EPM2A: variants seen among roughly 807,000 people sequenced by gnomAD.
EPM2A encodes laforin.
Under a neutral mutation model 26.5 loss-of-function variants are expected in EPM2A, and 21 were observed. The observed-to-expected ratio is 0.79, with a 90% CI of 0.56 to 1.14. EPM2A has a LOEUF of 1.14. Among genes scored for constraint, EPM2A ranks in the 50% most tolerant of loss-of-function variants. The probability of loss-of-function intolerance (pLI) is 0.00; values close to 1 mark genes in which losing one functional copy is unlikely to be tolerated. For synonymous variants in EPM2A, 217 were observed against 177.6 expected, an observed-to-expected ratio of 1.22 and a Z score of -1.76; for missense variants, 458 against 440.8, an observed-to-expected ratio of 1.04 and a Z score of -0.35.
intron 4 of EPM2A, among the ~76,000 whole-genome samples, chr6:145,456,675 G>T (rs1779266694): frequency 6.6e-6 from 1 of 152,158 alleles, no homozygotes; most frequent in African/African-American, 2.4e-5. Flanking sequence ...AGAGGAATTG[G>T]AGGTAGAGAA....
At position 145,493,014 on chromosome 6, in the gene EPM2A, T is replaced by C. The variant is rs185757035; in HGVS notation, c.555+9508A>G. 1.0e-3 allele frequency among the ~76,000 whole-genome samples: 152 copies of C among 152,332 alleles called. 1 individual carries two copies. The highest frequency in any genetic ancestry group is 2.5e-3 in the Admixed American group (39 of 15,310). ...AGAATTTCTCTGCCTCCTGTCCCTATCACTTCCTCTCCTCAAAGCCTCTCA... is the reference window on the plus strand; with the variant it reads ...AGAATTTCTCTGCCTCCTGTCCCTACCACTTCCTCTCCTCAAAGCCTCTCA... On this transcript the variant is annotated intron_variant, in intron 4 of 4. Coordinates refer to the EPM2A transcript ENST00000638717.
At chr6:145,531,031 A>C (rs1273625963) in intron 2 of EPM2A, among the ~76,000 whole-genome samples, 1 of 152,168 alleles carries the variant, frequency 6.6e-6, no homozygotes, top group Non-Finnish European at 1.5e-5. Flanking sequence ...GCAGCAAAAC[A>C]TAGAAAGATA....
intron 2 of EPM2A, chr6:145,670,881 C>T: frequency 1.0e-6 from 1 of 984,458 alleles, no homozygotes; most frequent in Non-Finnish European, 1.2e-6. Flanking sequence ...TCTCACACGC[C>T]CAGTTAATAC....
At chr6:145,430,544 T>G (rs1468197485) in intron 4 of EPM2A, among the ~76,000 whole-genome samples, 1 of 151,004 alleles carries the variant, frequency 6.6e-6, no homozygotes, top group Admixed American at 6.6e-5. Flanking sequence ...GAGGTTGCAG[T>G]GAGCCGAGAT....
chr6:145,589,515 T>C (rs143692593), intron 2 of EPM2A, among the ~76,000 whole-genome samples: 1 of 152,118 alleles, frequency 6.6e-6, no homozygotes, highest in East Asian at 1.9e-4. Flanking sequence ...ATCTTTCCAA[T>C]GCCTCTGTAA....
rs1781443386 is a variant in EPM2A at position 145,603,489 on chromosome 6, C to T, written c.340+31756G>A. 2.6e-5 allele frequency among the ~76,000 whole-genome samples: 4 copies of T among 152,238 alleles called. 1 individual carries two copies. The South Asian group carries it at 8.3e-4, about 32-fold the overall frequency. On this transcript the variant is annotated intron_variant, in intron 2 of 3. Coordinates refer to the EPM2A transcript ENST00000450221. ...ATTAATTGACATCTGTTTTCCAAAACATTAAGAATCCTGAGATCAGGGACT... is the reference window on the plus strand; with the variant it reads ...ATTAATTGACATCTGTTTTCCAAAATATTAAGAATCCTGAGATCAGGGACT...
chr6:145,724,885 C>A (rs1776119170), intron 1 of EPM2A, among the ~76,000 whole-genome samples: 1 of 151,722 alleles, frequency 6.6e-6, no homozygotes. Flanking sequence ...GTAAAAACTT[C>A]CAAAAATAAC....
At chr6:145,387,506 T>C (rs907939613) in intron 4 of EPM2A, among the ~76,000 whole-genome samples, 8 of 152,208 alleles carry the variant, frequency 5.3e-5, no homozygotes, top group African/African-American at 1.9e-4. Flanking sequence ...GACAATCCCA[T>C]GATCTGTTTA....
At chr6:145,584,113 T>C (rs544364981) in intron 2 of EPM2A, among the ~76,000 whole-genome samples, 76 of 152,268 alleles carry the variant, frequency 5.0e-4, no homozygotes, top group Non-Finnish European at 7.2e-4. Context: ...GGTTCACCCA[T>C]GTGCGTGCAT....
chr6:145,616,177 C>T (rs1775508521), intron 2 of EPM2A, among the ~76,000 whole-genome samples: 1 of 152,208 alleles, frequency 6.6e-6, no homozygotes, highest in South Asian at 2.1e-4. Flanking sequence ...GATCCCCATG[C>T]TATGTGCAGC....
At chr6:145,502,253 G>T (rs183295431) in intron 3 of EPM2A, among the ~76,000 whole-genome samples, 4 of 152,256 alleles carry the variant, frequency 2.6e-5, no homozygotes, top group Non-Finnish European at 5.9e-5. Flanking sequence ...TCTTCTTGCT[G>T]TCTTGTCCTG....
At chr6:145,706,324 AC>A (rs1329574962) in intron 1 of EPM2A, among the ~76,000 whole-genome samples, 2 of 152,226 alleles carry the variant, frequency 1.3e-5, no homozygotes, top group African/African-American at 4.8e-5. Context: ...ACATTAGGTT[AC>A]CTAATTTATA....
chr6:145,628,079 A>G (rs780495628), intron 3 of EPM2A: 3 of 243,220 alleles, frequency 1.2e-5, no homozygotes, highest in Non-Finnish European at 2.4e-5. Flanking sequence ...AATAGTTGTC[A>G]GGTCTGGCCA....
intron 1 of EPM2A, among the ~76,000 whole-genome samples, chr6:145,709,779 G>A (rs957306258): frequency 6.6e-6 from 1 of 152,134 alleles, no homozygotes; most frequent in Non-Finnish European, 1.5e-5. Flanking sequence ...TTTAGATCAT[G>A]TAGAAGACAT....
At chr6:145,553,265 A>C (rs2114806213) in intron 2 of EPM2A, among the ~76,000 whole-genome samples, 1 of 152,052 alleles carries the variant, frequency 6.6e-6, no homozygotes, top group South Asian at 2.1e-4. Flanking sequence ...AGTCAATTAA[A>C]CCTCTTTTCT....
intron 2 of EPM2A, among the ~76,000 whole-genome samples, chr6:145,681,001 C>T (rs933478744): frequency 6.6e-6 from 1 of 151,904 alleles, no homozygotes; most frequent in African/African-American, 2.4e-5. Flanking sequence ...AGTTTACAGT[C>T]CCACCAACAG....
At chr6:145,567,070 AG>A (rs1780893596) in intron 2 of EPM2A, among the ~76,000 whole-genome samples, 2 of 152,174 alleles carry the variant, frequency 1.3e-5, no homozygotes, top group Non-Finnish European at 2.9e-5. Context: ...CATCCTATTG[AG>A]TCTCCCCAAA....
intron 2 of EPM2A, among the ~76,000 whole-genome samples, chr6:145,570,536 A>C (rs1006067635): frequency 4.6e-5 from 7 of 152,236 alleles, no homozygotes; most frequent in African/African-American, 1.4e-4. Context: ...TTTTAACAAA[A>C]GAAGCAGGAA....
rs1268154965 is a variant in EPM2A at position 145,626,780 on chromosome 6, AC to A, written c.*635del. ...CTTTGTTTGGTAATTTTGAGGAAAA[AC>A]AACAACAAATGAGAGATAATTCTAC... is the stretch of plus-strand genomic sequence containing the variant. On this transcript the variant is annotated 3_prime_UTR_variant, in exon 4 of 4. Transcript: ENST00000367519. The A allele has an allele frequency of 2.0e-6, 2 of 980,636 alleles. No individual in the cohort carries two copies. Among genetic ancestry groups the A allele is most frequent in the Non-Finnish European group, 2.4e-6 (2 of 830,260 alleles). 60.7% of individuals were successfully genotyped at this position (980,636 alleles called of 1,614,324 possible).
Sources: allele counts gnomAD v4.1 joint callset (sites outside exome capture counted in the v4.1 genomes callset), GRCh38; gene constraint gnomAD v4.1.1; transcripts MANE v1.5; gene names NCBI Gene and HGNC (gene_info 2026-07-23, HGNC 2026-07-21).